The following KCNV1 variants were observed in gnomAD, a reference collection of about 807,000 sequenced individuals.
The protein encoded by KCNV1 is potassium voltage-gated channel subfamily V member 1.
In KCNV1, 2 loss-of-function variants were observed where a neutral mutation model predicts 36.4. The ratio of observed to expected loss-of-function variants is 0.05; its 90% CI spans 0.02 to 0.17. The LOEUF is 0.17. Ranked by LOEUF, KCNV1 falls within the 10% of genes least tolerant of loss-of-function variation. The probability of loss-of-function intolerance (pLI) is 1.00; values close to 1 mark genes in which losing one functional copy is unlikely to be tolerated. For synonymous variants in KCNV1, 280 were observed against 261.1 expected (o/e 1.07, Z -0.70); for missense variants, 321 against 643.6 (o/e 0.50, Z 5.42).
In KCNV1 at chr8:109,968,074, A is replaced by G; in HGVS notation, c.*14T>C. The G allele has an allele frequency of 6.3e-7, 1 of 1,596,704 alleles. No individual in the cohort carries two copies. ...TAATTGTACATAGCTTTTGTAAATAAATTGAAAATTAATTCAAAACCAGAA... is the reference window on the plus strand; with the variant it reads ...TAATTGTACATAGCTTTTGTAAATAGATTGAAAATTAATTCAAAACCAGAA... On this transcript the variant is annotated 3_prime_UTR_variant, in exon 4 of 4. Transcript: ENST00000524391. The surrounding 1 kb of genome is among the most constrained non-coding windows in gnomAD (Gnocchi z 5.3).
chr8:109,964,672 T>C lies in KCNV1; in HGVS notation c.*3416A>G, dbSNP rs994268601. On this transcript the variant is annotated 3_prime_UTR_variant, in exon 4 of 4. Transcript: ENST00000524391. ...AGTACTATCCAGCCATATGAAAGAA[T>C]GAGATCATGTCATTTGCAGGGACAT... The C allele has an allele frequency of 1.3e-5, 2 of 152,114 alleles. No homozygotes were observed. Among genetic ancestry groups the C allele is most frequent in the Non-Finnish European group, 2.9e-5 (2 of 68,028 alleles). The allele number at this position is 152,114 out of a possible 1,614,324, so 9.4% of individuals were successfully genotyped here.
chr8:109,973,456 A>C (rs1339296076), intron 2 of KCNV1, among the ~76,000 whole-genome samples: 1 of 152,194 alleles, frequency 6.6e-6, no homozygotes, highest in East Asian at 1.9e-4. Flanking sequence ...AGTAATAGCA[A>C]GGTAACCTCA....
At position 109,968,700 on chromosome 8, in the gene KCNV1, C is replaced by G; in HGVS notation, c.992-101G>C. ...CTTGCTCTGCCACCCACAAACTGCA[C>G]TGCACACTTAAATGTCCCCAGCACT... On this transcript the variant is annotated intron_variant, in intron 3 of 3. Coordinates refer to ENST00000524391, the MANE Select transcript of KCNV1 (RefSeq NM_014379.4). This position sits in a 1 kb window ranked among gnomAD's most constrained non-coding sequence, Gnocchi z 5.3. 8.5e-7 allele frequency: 1 copy of G among 1,173,048 alleles called. No individual in the cohort carries two copies. Among genetic ancestry groups the G allele is most frequent in the Non-Finnish European group, 1.2e-6 (1 of 835,486 alleles). The allele number at this position is 1,173,048 out of a possible 1,614,324, so 72.7% of individuals were successfully genotyped here. A position where few individuals can be genotyped will look rare whatever the true frequency, so the allele number is the denominator to read the frequency against.
chr8:109,974,503 C>T lies in KCNV1; in HGVS notation c.-115G>A, dbSNP rs7822437. The stretch of plus-strand genomic sequence containing the variant: ...GGTGGCGGCCGGGATTCCCCGGGCT[C>T]CCGAAGGGGTTACCTCTCCTTGGCG... On this transcript the variant is annotated 5_prime_UTR_variant, in exon 2 of 4. Coordinates refer to ENST00000524391, the MANE Select transcript of KCNV1 (RefSeq NM_014379.4). This position sits in a 1 kb window ranked among gnomAD's most constrained non-coding sequence, Gnocchi z 6.2. 2.8e-4 allele frequency: 205 copies of T among 728,152 alleles called. No homozygotes were observed. In the African/African-American group the frequency reaches 3.5e-3, roughly 12 times the overall value. The allele number at this position is 728,152 out of a possible 1,614,324, so 45.1% of individuals were successfully genotyped here. A position where few individuals can be genotyped will look rare whatever the true frequency, so the allele number is the denominator to read the frequency against.
rs1820062586 is a variant in KCNV1 at position 109,974,940 on chromosome 8, A to T, written c.-552T>A. On this transcript the variant is annotated 5_prime_UTR_variant, in exon 2 of 4. Coordinates refer to ENST00000524391, the MANE Select transcript of KCNV1 (RefSeq NM_014379.4). This position sits in a 1 kb window ranked among gnomAD's most constrained non-coding sequence, Gnocchi z 6.2. ...CGAGACTCACTCCTGCCCGCAGGAG[A>T]CCAAAACAAAAAGTTCAGAAAGCAA... 1 of 154,094 alleles carries T rather than the reference A, an allele frequency of 6.5e-6. No homozygotes were observed. The highest frequency in any genetic ancestry group is 1.4e-5 in the Non-Finnish European group (1 of 69,458). 9.5% of individuals were successfully genotyped at this position (154,094 alleles called of 1,614,324 possible). A position where few individuals can be genotyped will look rare whatever the true frequency, so the allele number is the denominator to read the frequency against.
Position 109,966,080 on chromosome 8 carries a change from A to T in KCNV1, c.*2008T>A, listed in dbSNP as rs1417785870. 5 of 152,216 alleles carry T rather than the reference A, an allele frequency of 3.3e-5. No homozygotes were observed. In the East Asian group the frequency reaches 9.6e-4, roughly 29 times the overall value. 9.4% of individuals were successfully genotyped at this position (152,216 alleles called of 1,614,324 possible). A position where few individuals can be genotyped will look rare whatever the true frequency, so the allele number is the denominator to read the frequency against. On this transcript the variant is annotated 3_prime_UTR_variant, in exon 4 of 4. Transcript: ENST00000524391. Reference sequence around the variant, plus strand: ...AGAACACCAAAGATCCTTAATAAATATTTGTTGAGTTAATAAATATATAAA... The same window carrying T: ...AGAACACCAAAGATCCTTAATAAATTTTTGTTGAGTTAATAAATATATAAA...
intron 3 of KCNV1, among the ~76,000 whole-genome samples, chr8:109,970,902 G>C (rs558325440): frequency 2.6e-5 from 4 of 152,182 alleles, no homozygotes; most frequent in Admixed American, 1.3e-4. Context: ...AACAAAGAGT[G>C]GTACTTGTAA....
At chr8:109,970,285 A>T (rs1158748298) in intron 3 of KCNV1, among the ~76,000 whole-genome samples, 1 of 152,236 alleles carries the variant, frequency 6.6e-6, no homozygotes, top group Non-Finnish European at 1.5e-5. Context: ...TCCTTAAATA[A>T]ATTCACAGCA....
At chr8:109,969,410 A>G (rs533629483) in intron 3 of KCNV1, among the ~76,000 whole-genome samples, 2 of 152,320 alleles carry the variant, frequency 1.3e-5, no homozygotes, top group South Asian at 4.1e-4. Flanking sequence ...AAGGTATGGG[A>G]AATGGAACCA....
chr8:109,968,636 C>A lies in KCNV1; in HGVS notation c.992-37G>T. The stretch of plus-strand genomic sequence containing the variant: ...CAAATGCTGTCAGTCATTGGCATCC[C>A]TCTTCTCTCTCTTCCTTCCCTCCCC... On this transcript the variant is annotated intron_variant, in intron 3 of 3. Coordinates refer to ENST00000524391, the MANE Select transcript of KCNV1 (RefSeq NM_014379.4). The surrounding 1 kb of genome is among the most constrained non-coding windows in gnomAD (Gnocchi z 5.3). The A allele has an allele frequency of 6.5e-7, 1 of 1,545,426 alleles. No individual in the cohort carries two copies. The highest frequency in any genetic ancestry group is 1.2e-5 in the South Asian group (1 of 80,792).
rs1402372064 is a variant in KCNV1 at position 109,965,222 on chromosome 8, A to G, written c.*2866T>C. On this transcript the variant is annotated 3_prime_UTR_variant, in exon 4 of 4. Coordinates refer to ENST00000524391, the MANE Select transcript of KCNV1 (RefSeq NM_014379.4). ...ACACTCCGTCTCAAAAAACCAAACC[A>G]AAACAAAACAAAGAAAGTAGTGTTC... is the stretch of plus-strand genomic sequence containing the variant. 3 of 152,348 alleles carry G rather than the reference A, an allele frequency of 2.0e-5. No homozygotes were observed. Among genetic ancestry groups the G allele is most frequent in the Admixed American group, 2.0e-4 (3 of 15,314 alleles). 9.4% of individuals were successfully genotyped at this position (152,348 alleles called of 1,614,324 possible). A position where few individuals can be genotyped will look rare whatever the true frequency, so the allele number is the denominator to read the frequency against.
At chr8:109,969,476 G>C (rs936765163) in intron 3 of KCNV1, among the ~76,000 whole-genome samples, 1 of 152,098 alleles carries the variant, frequency 6.6e-6, no homozygotes, top group African/African-American at 2.4e-5. Flanking sequence ...TAGATCTGAG[G>C]ATTTATTAAA....
Position 109,972,367 on chromosome 8 carries a change from G to C in KCNV1, c.882C>G (p.Ser294Arg). 4 of 1,614,130 alleles carry C rather than the reference G, an allele frequency of 2.5e-6. No individual in the cohort carries two copies. The highest frequency in any genetic ancestry group is 3.4e-6 in the Non-Finnish European group (4 of 1,180,028). The change falls in exon 3 of 4, where the codon AGC becomes AGG. Residue 294 changes from serine to arginine, a missense_variant. By Grantham distance (110) the Ser-to-Arg change is moderately radical. Transcript: ENST00000524391. The surrounding 1 kb of genome is among the most constrained non-coding windows in gnomAD (Gnocchi z 5.2). Reference protein sequence around the residue: ...LPFYITLLVESLSGSQTTQEL... With the variant: ...LPFYITLLVERLSGSQTTQEL... The stretch of plus-strand genomic sequence containing the variant: ...CCTGCGTGGTCTGGCTCCCACTTAG[G>C]CTCTCTACCAGAAGAGTGATGTAGA...
chr8:109,968,132 T>C lies in KCNV1; in HGVS notation c.1459A>G (p.Arg487Gly), dbSNP rs756572896. The C allele has an allele frequency of 3.1e-6, 5 of 1,614,178 alleles. No individual in the cohort carries two copies. The highest frequency in any genetic ancestry group is 4.2e-6 in the Non-Finnish European group (5 of 1,180,006). Residue 487 changes from arginine to glycine, a missense_variant, in exon 4 of 4, where the codon AGA (arginine) becomes GGA (glycine). By Grantham distance (125) the Arg-to-Gly change is moderately radical. This residue lies in a region of KCNV1 where 45 missense variants were observed against 76.8 expected (regional missense o/e 0.59). Coordinates refer to ENST00000524391, the MANE Select transcript of KCNV1 (RefSeq NM_014379.4). This position sits in a 1 kb window ranked among gnomAD's most constrained non-coding sequence, Gnocchi z 5.3. ...MEMLRLKGRERASTRSSGGDD... is the reference protein window; with the variant it reads ...MEMLRLKGREGASTRSSGGDD... The stretch of plus-strand genomic sequence containing the variant: ...CCCCCGCTGCTCCTAGTACTTGCTC[T>C]TTCTCTGCCTTTCAGTCGCAGCATC...
At chr8:109,969,834 GACTCCCTCTC>G (rs1819988052) in intron 3 of KCNV1, among the ~76,000 whole-genome samples, 1 of 144,138 alleles carries the variant, frequency 6.9e-6, no homozygotes, top group South Asian at 2.2e-4. Context: ...AATAGAATGA[GACTCCCTCTC>G]AAAAAAAGAA....
In KCNV1 at chr8:109,974,621, A is replaced by G. The variant is rs1219694776; in HGVS notation, c.-233T>C. ...CGCACAAGTGGCAGAAAGAGGAGAC[A>G]GGGAGCAGAGGAAGGGTCGCGCTAA... On this transcript the variant is annotated 5_prime_UTR_variant, in exon 2 of 4. Coordinates refer to ENST00000524391, the MANE Select transcript of KCNV1 (RefSeq NM_014379.4). The surrounding 1 kb of genome is among the most constrained non-coding windows in gnomAD (Gnocchi z 6.2). 8.7e-6 allele frequency: 5 copies of G among 575,152 alleles called. No individual in the cohort carries two copies. The South Asian group carries it at 8.7e-5, about 10-fold the overall frequency. 35.6% of individuals were successfully genotyped at this position (575,152 alleles called of 1,614,324 possible).
At chr8:109,969,146 G>A (rs557859307) in intron 3 of KCNV1, among the ~76,000 whole-genome samples, 45 of 152,228 alleles carry the variant, frequency 3.0e-4, no homozygotes, top group Non-Finnish European at 5.3e-4. Context: ...AGTAAACAAT[G>A]GGCACCATAG....
In KCNV1 at chr8:109,974,726, T is replaced by G; in HGVS notation, c.-338A>C. On this transcript the variant is annotated 5_prime_UTR_variant, in exon 2 of 4. Coordinates refer to ENST00000524391, the MANE Select transcript of KCNV1 (RefSeq NM_014379.4). The surrounding 1 kb of genome is among the most constrained non-coding windows in gnomAD (Gnocchi z 6.2). ...TCGCCCTGGCCCTTCCCAAACGTTG[T>G]CACCCCGCCTCCCAACTTCGCAATT... 1 of 318,684 alleles carries G rather than the reference T, an allele frequency of 3.1e-6. No homozygotes were observed. 19.7% of individuals were successfully genotyped at this position (318,684 alleles called of 1,614,324 possible). A position where few individuals can be genotyped will look rare whatever the true frequency, so the allele number is the denominator to read the frequency against.
intron 3 of KCNV1, among the ~76,000 whole-genome samples, chr8:109,969,147 G>A (rs966179249): frequency 6.6e-6 from 1 of 152,120 alleles, no homozygotes; most frequent in African/African-American, 2.4e-5. Flanking sequence ...GTAAACAATG[G>A]GCACCATAGC....
Sources: allele counts gnomAD v4.1 joint callset (sites outside exome capture counted in the v4.1 genomes callset), GRCh38; gene constraint gnomAD v4.1.1; regional missense constraint gnomAD v4.1.1; non-coding constraint Gnocchi (gnomAD v3.1); transcripts MANE v1.5; gene names NCBI Gene and HGNC (gene_info 2026-07-23, HGNC 2026-07-21).